Variants in BCKDHB observed in about 807,000 individuals in gnomAD.
BCKDHB encodes 2-oxoisovalerate dehydrogenase subunit beta, mitochondrial.
In BCKDHB, 41 loss-of-function variants were observed where a neutral mutation model predicts 48.5. The ratio of observed to expected loss-of-function variants is 0.85; its 90% CI spans 0.66 to 1.10. BCKDHB has a LOEUF of 1.10. BCKDHB is among the 50% of genes least tolerant of loss of function. The probability of loss-of-function intolerance (pLI) is 0.00; values close to 1 mark genes in which losing one functional copy is unlikely to be tolerated. For missense variants in BCKDHB, 496 were observed against 494.2 expected, an observed-to-expected ratio of 1.00 and a Z score of -0.03; for synonymous variants, 201 against 174.8, an observed-to-expected ratio of 1.15 and a Z score of -1.18.
At chr6:80,307,680 C>T (rs1767946999) in intron 9 of BCKDHB, 1 of 972,440 alleles carries the variant, frequency 1.0e-6, no homozygotes, top group Admixed American at 6.2e-5. Context: ...TCACATTAGG[C>T]CTATTTTAAC....
the BCKDHB span, among the ~76,000 whole-genome samples, chr6:80,401,151 A>G: frequency 1.3e-5 from 2 of 151,908 alleles, no homozygotes; most frequent in African/African-American, 4.8e-5. Context: ...ACCCTGTACA[A>G]CAAACCCCTG....
At chr6:80,315,577 C>CGTCTTG (rs1325633351) in intron 9 of BCKDHB, among the ~76,000 whole-genome samples, 1 of 151,512 alleles carries the variant, frequency 6.6e-6, no homozygotes, top group African/African-American at 2.4e-5. Flanking sequence ...TCTGTTCCAC[C>CGTCTTG]GTCTTGGCCC....
chr6:80,431,724 T>C, the BCKDHB span, among the ~76,000 whole-genome samples: 1 of 152,242 alleles, frequency 6.6e-6, no homozygotes, highest in South Asian at 2.1e-4. Context: ...TCTTTGCAGG[T>C]GAGATGTGTC....
At chr6:80,150,182 C>G (rs1201080693) in intron 3 of BCKDHB, among the ~76,000 whole-genome samples, 1 of 152,114 alleles carries the variant, frequency 6.6e-6, no homozygotes, top group African/African-American at 2.4e-5. Flanking sequence ...AACCTCTATT[C>G]TGGACCCTGC....
At chr6:80,145,888 T>C (rs1771461659) in intron 3 of BCKDHB, among the ~76,000 whole-genome samples, 1 of 152,198 alleles carries the variant, frequency 6.6e-6, no homozygotes, top group South Asian at 2.1e-4. Flanking sequence ...TCTTGGGTTA[T>C]TTTCCTGGTT....
At chr6:80,213,275 C>A (rs16891532) in intron 8 of BCKDHB, among the ~76,000 whole-genome samples, 17,235 of 152,016 alleles carry the variant, frequency 0.11, 1,325 homozygotes, top group African/African-American at 0.21. Context: ...TTGCATTTGA[C>A]TTTTCTTAAT....
At chr6:80,320,659 A>G (rs1000735168) in intron 9 of BCKDHB, among the ~76,000 whole-genome samples, 11 of 152,194 alleles carry the variant, frequency 7.2e-5, no homozygotes, top group African/African-American at 2.2e-4. Flanking sequence ...TTGTGCTCCT[A>G]ATATTTGCAT....
chr6:80,384,352 T>C, the BCKDHB span, among the ~76,000 whole-genome samples: 1,530 of 144,698 alleles, frequency 0.011, 29 homozygotes, highest in African/African-American at 0.038. Context: ...CTTCTTCTTT[T>C]TTTTTTTTTT....
the BCKDHB span, among the ~76,000 whole-genome samples, chr6:80,429,648 G>C: frequency 4.0e-3 from 610 of 152,288 alleles, 3 homozygotes; most frequent in Middle Eastern, 0.017. Context: ...GTGAATGGGA[G>C]CTCACTCATG....
At chr6:80,332,147 C>T (rs983442237) in intron 9 of BCKDHB, among the ~76,000 whole-genome samples, 6 of 152,040 alleles carry the variant, frequency 3.9e-5, no homozygotes, top group African/African-American at 1.2e-4. Flanking sequence ...TGCTTGATGG[C>T]GCTTATGTGT....
the BCKDHB span, among the ~76,000 whole-genome samples, chr6:80,388,168 C>T: frequency 6.6e-6 from 1 of 152,208 alleles, no homozygotes; most frequent in Non-Finnish European, 1.5e-5. Flanking sequence ...ACCTGAAAGG[C>T]TGCCAGTTTT....
chr6:80,202,057 C>A (rs553326898), intron 7 of BCKDHB, among the ~76,000 whole-genome samples: 47 of 152,000 alleles, frequency 3.1e-4, no homozygotes, highest in Admixed American at 2.8e-3. Flanking sequence ...TTTTTGCTAT[C>A]CTTCTGTCCA....
At chr6:80,465,331 C>T in the BCKDHB span, among the ~76,000 whole-genome samples, 1 of 152,150 alleles carries the variant, frequency 6.6e-6, no homozygotes, top group African/African-American at 2.4e-5. Flanking sequence ...ATACTTCCAC[C>T]TCGTACATCT....
At chr6:80,133,225 G>A (rs998377261) in intron 3 of BCKDHB, among the ~76,000 whole-genome samples, 2 of 152,170 alleles carry the variant, frequency 1.3e-5, no homozygotes, top group South Asian at 2.1e-4. Flanking sequence ...ATCAGAAGGC[G>A]GAATTTGAAG....
downstream of BCKDHB, among the ~76,000 whole-genome samples, chr6:80,347,844 C>A (rs1770278081): frequency 6.6e-6 from 1 of 152,078 alleles, no homozygotes; most frequent in Admixed American, 6.6e-5. Context: ...TGCCAAAATA[C>A]ATTTTTGCAT....
chr6:80,227,838 T>G (rs994151501), intron 8 of BCKDHB, among the ~76,000 whole-genome samples: 7 of 152,176 alleles, frequency 4.6e-5, no homozygotes, highest in African/African-American at 1.7e-4. Flanking sequence ...TAAGAGTAAT[T>G]CTGTGACTCA....
At chr6:80,244,804 A>T (rs1390277730) in intron 8 of BCKDHB, among the ~76,000 whole-genome samples, 1 of 152,244 alleles carries the variant, frequency 6.6e-6, no homozygotes, top group African/African-American at 2.4e-5. Flanking sequence ...GACTGTAACA[A>T]AACAAATTAT....
At chr6:80,427,223 A>G in the BCKDHB span, among the ~76,000 whole-genome samples, 14,488 of 151,970 alleles carry the variant, frequency 0.095, 747 homozygotes, top group Non-Finnish European at 0.11. Context: ...TTTAAGGTTT[A>G]TTAGCGCTAA....
the BCKDHB span, among the ~76,000 whole-genome samples, chr6:80,459,793 C>T: frequency 6.6e-6 from 1 of 152,032 alleles, no homozygotes; most frequent in Non-Finnish European, 1.5e-5. Flanking sequence ...AAATATGTAA[C>T]TGAGGTTCTT....
Sources: gnomAD v4.1 joint callset for allele counts (sites outside exome capture counted in the v4.1 genomes callset) on GRCh38, gnomAD v4.1.1 for gene constraint, MANE v1.5 for transcripts, NCBI Gene and HGNC (gene_info 2026-07-23, HGNC 2026-07-21) for gene names.